Variants in DGLUCY observed in about 807,000 individuals in gnomAD.
The protein encoded by DGLUCY is D-glutamate cyclase.
Under a neutral mutation model 58.5 loss-of-function variants are expected in DGLUCY, and 58 were observed. The ratio of observed to expected loss-of-function variants is 0.99; its 90% confidence interval spans 0.80 to 1.23. The LOEUF is 1.23. Ranked by LOEUF, DGLUCY falls within the 50% of genes most tolerant of loss-of-function variation. The pLI, the probability that DGLUCY is intolerant of heterozygous loss-of-function variation, is 0.00. For missense variants in DGLUCY, 779 were observed against 784.7 expected (o/e 0.99, Z 0.09); for synonymous variants, 325 against 314.1 (o/e 1.03, Z -0.37).
chr14:91,224,744 G>A lies in DGLUCY; in HGVS notation c.1777G>A (p.Val593Met), dbSNP rs371396745. Residue 593 changes from valine to methionine, a missense_variant, in exon 14 of 14, where the codon GTG (valine) becomes ATG (methionine). By Grantham distance (21) the Val-to-Met change is conservative. Coordinates refer to ENST00000256324, the MANE Select transcript of DGLUCY (RefSeq NM_001102368.3). ...HKVRSGVSGI[V>M]GMEVDGLPFH... ...AGTCCGGAGTGGCGTCTCGGGCATC[G>A]TGGGCATGGAGGTGGATGGGCTGCC... The A allele has an allele frequency of 1.5e-5, 24 of 1,613,384 alleles. No homozygotes were observed. The highest frequency in any genetic ancestry group is 9.4e-5 in the African/African-American group (7 of 74,860).
chr14:91,147,486 A>G (rs1280364543), intron 1 of DGLUCY, among the ~76,000 whole-genome samples: 1 of 152,200 alleles, frequency 6.6e-6, no homozygotes, highest in Non-Finnish European at 1.5e-5. Flanking sequence ...AGACCCTTTG[A>G]AACAAGTGCT....
At chr14:91,189,793 A>G (rs1595878175) in intron 9 of DGLUCY, 2 of 154,306 alleles carry the variant, frequency 1.3e-5, no homozygotes, top group East Asian at 3.8e-4. Flanking sequence ...GTCCCTCAAA[A>G]TGCATTCTTC....
At chr14:91,091,525 T>C (rs1188822446) in intron 1 of DGLUCY, among the ~76,000 whole-genome samples, 4 of 151,902 alleles carry the variant, frequency 2.6e-5, no homozygotes, top group African/African-American at 9.7e-5. Flanking sequence ...AATAAATAAA[T>C]GAAATAAAAA....
At chr14:91,111,232 GTGTGTGTGTGTGTGTGTA>G (rs1566944321), upstream of DGLUCY, among the ~76,000 whole-genome samples, 658 of 112,806 alleles carry the variant, frequency 5.8e-3, 9 homozygotes, top group East Asian at 0.018. Flanking sequence ...GTGTGTGTGT[GTGTGTGTGTGTGTGTGTA>G]TATATCTATA....
chr14:91,139,667 A>G (rs959912699), intron 1 of DGLUCY, among the ~76,000 whole-genome samples: 3 of 152,242 alleles, frequency 2.0e-5, no homozygotes, highest in South Asian at 2.1e-4. Context: ...CCTGGGCAAC[A>G]GAGTTGAGGC....
Position 91,067,080 on chromosome 14 carries a change from CAAAAA to C in DGLUCY, c.-82+6391_-82+6395del, listed in dbSNP as rs778098019. On this transcript the variant is annotated intron_variant, in intron 1 of 4. Coordinates refer to the DGLUCY transcript ENST00000521334. Reference sequence around the variant, plus strand: ...TGGGTGACAGAGCGAGACTCCATCTCAAAAAAAAAAAAAAAAAAAGAAAGAGTTAT... The same window carrying C: ...TGGGTGACAGAGCGAGACTCCATCTCAAAAAAAAAAAAAAGAAAGAGTTAT... Among the ~76,000 whole-genome samples, 2 of 71,030 alleles carry C rather than the reference CAAAAA, an allele frequency of 2.8e-5. 1 individual carries two copies. Among genetic ancestry groups the C allele is most frequent in the East Asian group, 1.0e-3 (2 of 2,008 alleles). The allele number at this position is 71,030 out of a possible 152,430, so 46.6% of individuals were successfully genotyped here. A position where few individuals can be genotyped will look rare whatever the true frequency, so the allele number is the denominator to read the frequency against.
intron 6 of DGLUCY, chr14:91,173,816 T>C (rs914888801): frequency 3.1e-5 from 5 of 159,470 alleles, no homozygotes; most frequent in Non-Finnish European, 6.9e-5. Flanking sequence ...TCACATCCTT[T>C]TGGGTTTTTA....
intron 13 of DGLUCY, among the ~76,000 whole-genome samples, chr14:91,222,937 G>A (rs772908782): frequency 2.0e-5 from 3 of 152,204 alleles, no homozygotes; most frequent in Admixed American, 6.5e-5. Flanking sequence ...TGCTGAGTCC[G>A]CATGTGGTGG....
chr14:91,137,840 C>G (rs1411846429), intron 1 of DGLUCY, among the ~76,000 whole-genome samples: 1 of 151,846 alleles, frequency 6.6e-6, no homozygotes, highest in Non-Finnish European at 1.5e-5. Context: ...TTTCTATGGC[C>G]TGCCTTGGGA....
chr14:91,080,393 A>G (rs2044103559), intron 1 of DGLUCY, among the ~76,000 whole-genome samples: 1 of 152,080 alleles, frequency 6.6e-6, no homozygotes, highest in Admixed American at 6.6e-5. Context: ...TTTTTTTGAG[A>G]CGGAGTCTCG....
intron 1 of DGLUCY, among the ~76,000 whole-genome samples, chr14:91,086,575 A>G (rs1207493947): frequency 1.3e-5 from 2 of 152,172 alleles, no homozygotes; most frequent in Non-Finnish European, 1.5e-5. Context: ...TTCAGTAAAG[A>G]CACAACCTTT....
chr14:91,197,916 T>A (rs1360439875), intron 10 of DGLUCY, among the ~76,000 whole-genome samples: 1 of 152,196 alleles, frequency 6.6e-6, no homozygotes, highest in Non-Finnish European at 1.5e-5. Flanking sequence ...AGAAGTGAAA[T>A]TGCTGGATCA....
intron 1 of DGLUCY, among the ~76,000 whole-genome samples, chr14:91,068,277 A>G (rs1314904244): frequency 2.0e-5 from 3 of 152,220 alleles, no homozygotes; most frequent in African/African-American, 7.2e-5. Context: ...ATTCAAGTTT[A>G]AGATGTTCCA....
At chr14:91,060,482 G>A in exon 1 of DGLUCY, 1 of 1,333,358 alleles carries the variant, frequency 7.5e-7, no homozygotes, top group East Asian at 3.0e-5. Flanking sequence ...GGGAACCCAG[G>A]AGACAGCGGA....
chr14:91,114,633 CTG>C (rs1443388034), intron 1 of DGLUCY: 3 of 152,216 alleles, frequency 2.0e-5, no homozygotes, highest in Non-Finnish European at 4.4e-5. Context: ...GAAAGTAAAA[CTG>C]AAACTGCCTT....
At chr14:91,127,053 CT>C (rs11407228) in intron 1 of DGLUCY, among the ~76,000 whole-genome samples, 9 of 98,346 alleles carry the variant, frequency 9.2e-5, no homozygotes, top group African/African-American at 3.2e-4. Context: ...TGATGATACT[CT>C]TTTTTTTTTT....
chr14:91,194,897 A>G (rs969400546), intron 9 of DGLUCY, among the ~76,000 whole-genome samples: 1 of 152,122 alleles, frequency 6.6e-6, no homozygotes. Context: ...AACTTGCCCC[A>G]TTGACCCACT....
At chr14:91,107,052 G>A (rs1237489086), upstream of DGLUCY, among the ~76,000 whole-genome samples, 1 of 152,160 alleles carries the variant, frequency 6.6e-6, no homozygotes, top group African/African-American at 2.4e-5. Flanking sequence ...AGAGTGAAAT[G>A]AGGATGCTAG....
intron 1 of DGLUCY, among the ~76,000 whole-genome samples, chr14:91,084,278 A>G (rs2044175430): frequency 6.8e-6 from 1 of 147,416 alleles, no homozygotes; most frequent in Admixed American, 7.0e-5. Context: ...ATCTCGGCTC[A>G]CTGCAACCTC....
Sources: allele counts gnomAD v4.1 joint callset (sites outside exome capture counted in the v4.1 genomes callset), GRCh38; gene constraint gnomAD v4.1.1; transcripts MANE v1.5; gene names NCBI Gene and HGNC (gene_info 2026-07-23, HGNC 2026-07-21).